CFAP20DC: variants seen among roughly 807,000 people sequenced by gnomAD.
The protein encoded by CFAP20DC is protein CFAP20DC.
A neutral mutation model predicts 101.7 loss-of-function variants in CFAP20DC; 84 were observed. The ratio of observed to expected loss-of-function variants is 0.83; its 90% CI spans 0.69 to 0.99. The LOEUF is 0.99. Ranked by LOEUF, CFAP20DC falls within the 50% of genes least tolerant of loss-of-function variation. The pLI is 0.00. For missense variants in CFAP20DC, 1,007 were observed against 970.3 expected (o/e 1.04, Z -0.50); for synonymous variants, 359 against 351.2 (o/e 1.02, Z -0.25).
At chr3:58,974,898 C>T (rs373249743) in intron 4 of CFAP20DC, among the ~76,000 whole-genome samples, 123 of 152,256 alleles carry the variant, frequency 8.1e-4, no homozygotes, top group Middle Eastern at 3.4e-3. Context: ...CAGCCCACCA[C>T]CACTGGACAC....
chr3:58,903,219 C>A lies in CFAP20DC; in HGVS notation c.550+10489G>T, dbSNP rs553736157. ...TGTGCTTTTGGTATCATATCTAATA[C>A]TATTGACAATGCAAGGTCATGAAGA... On this transcript the variant is annotated intron_variant, in intron 6 of 16. Transcript: ENST00000482387. Among the ~76,000 whole-genome samples, 3 of 152,246 alleles carry A rather than the reference C, an allele frequency of 2.0e-5. No homozygotes were observed. The South Asian group carries it at 6.2e-4, about 32-fold the overall frequency.
At chr3:58,961,645 G>A (rs2091145214) in intron 4 of CFAP20DC, among the ~76,000 whole-genome samples, 2 of 151,750 alleles carry the variant, frequency 1.3e-5, no homozygotes, top group African/African-American at 4.8e-5. Context: ...AAAGTAACCT[G>A]GGCTAGAATT....
In CFAP20DC at chr3:58,936,474, C is replaced by T. The variant is rs529285523; in HGVS notation, c.393+1174G>A. On this transcript the variant is annotated intron_variant, in intron 5 of 16. Coordinates refer to ENST00000482387, the MANE Select transcript of CFAP20DC (RefSeq NM_001394063.1). ...ATGCTGCTATAAAGACACATGCACA[C>T]GTATGTTTATTGCGGCACTATTCAC... 1.9e-3 allele frequency among the ~76,000 whole-genome samples: 286 copies of T among 152,232 alleles called. 1 individual carries two copies. The highest frequency in any genetic ancestry group is 5.9e-3 in the African/African-American group (247 of 41,530).
chr3:58,873,702 G>A (rs1396338453), intron 7 of CFAP20DC, among the ~76,000 whole-genome samples: 1 of 151,964 alleles, frequency 6.6e-6, no homozygotes, highest in Admixed American at 6.6e-5. Flanking sequence ...AGGTGCTCAA[G>A]TAGAAGTCTG....
At chr3:58,982,521 C>A (rs1409136017) in intron 4 of CFAP20DC, among the ~76,000 whole-genome samples, 1 of 151,834 alleles carries the variant, frequency 6.6e-6, no homozygotes, top group Non-Finnish European at 1.5e-5. Flanking sequence ...GAATACTATG[C>A]AGCCATAAAA....
intron 4 of CFAP20DC, among the ~76,000 whole-genome samples, chr3:58,955,590 G>T (rs1003262804): frequency 3.3e-5 from 5 of 152,050 alleles, no homozygotes; most frequent in Admixed American, 3.3e-4. Context: ...AGCCACCATG[G>T]ACTAAAGTGC....
chr3:58,817,208 C>T (rs1575743346), intron 14 of CFAP20DC, among the ~76,000 whole-genome samples: 1 of 152,066 alleles, frequency 6.6e-6, no homozygotes, highest in African/African-American at 2.4e-5. Context: ...AACAGAAAAA[C>T]TGGAAACTCT....
chr3:58,904,063 T>C (rs1332147383), intron 6 of CFAP20DC, among the ~76,000 whole-genome samples: 3 of 152,188 alleles, frequency 2.0e-5, no homozygotes, highest in African/African-American at 7.2e-5. Context: ...TTTGGAGAAA[T>C]TGCATTGAAT....
At chr3:58,760,127 G>T (rs1267449171) in intron 15 of CFAP20DC, among the ~76,000 whole-genome samples, 1 of 152,218 alleles carries the variant, frequency 6.6e-6, no homozygotes, top group African/African-American at 2.4e-5. Flanking sequence ...ACCTTGGGCA[G>T]TATGGCCATT....
intron 6 of CFAP20DC, among the ~76,000 whole-genome samples, chr3:58,896,346 G>A (rs535023782): frequency 1.2e-4 from 18 of 151,988 alleles, no homozygotes; most frequent in South Asian, 2.1e-4. Flanking sequence ...TCCTGGACTC[G>A]TTGATTTTTT....
chr3:58,751,883 G>A (rs1291214561), intron 16 of CFAP20DC, among the ~76,000 whole-genome samples: 1 of 146,442 alleles, frequency 6.8e-6, no homozygotes. Context: ...TCCTCCTGGT[G>A]GTGGTGTGAG....
intron 4 of CFAP20DC, among the ~76,000 whole-genome samples, chr3:58,942,308 G>A (rs537361686): frequency 2.4e-4 from 36 of 152,174 alleles, no homozygotes; most frequent in South Asian, 1.2e-3. Flanking sequence ...GAACAGTTTC[G>A]GTCTGCAGTT....
chr3:58,845,822 A>T (rs907613357), intron 13 of CFAP20DC, among the ~76,000 whole-genome samples: 1 of 151,008 alleles, frequency 6.6e-6, no homozygotes, highest in Non-Finnish European at 1.5e-5. Flanking sequence ...ACCATGATCA[A>T]GTGGGCTTCA....
intron 3 of CFAP20DC, among the ~76,000 whole-genome samples, chr3:59,044,805 G>T (rs1176065953): frequency 6.6e-6 from 1 of 151,968 alleles, no homozygotes; most frequent in Admixed American, 6.6e-5. Context: ...TTAGAACAAA[G>T]TCATATTCCT....
intron 11 of CFAP20DC, among the ~76,000 whole-genome samples, chr3:58,866,026 A>T (rs1216373618): frequency 6.6e-6 from 1 of 152,212 alleles, no homozygotes; most frequent in Admixed American, 6.5e-5. Context: ...TCACCTAAAC[A>T]TCTAATTAGT....
At chr3:59,008,523 G>A (rs1162898137) in intron 4 of CFAP20DC, among the ~76,000 whole-genome samples, 1 of 152,156 alleles carries the variant, frequency 6.6e-6, no homozygotes, top group Admixed American at 6.5e-5. Context: ...GGAATACTAT[G>A]CAGCCATAAA....
intron 6 of CFAP20DC, among the ~76,000 whole-genome samples, chr3:58,888,585 G>C (rs2081869305): frequency 6.6e-6 from 1 of 152,056 alleles, no homozygotes; most frequent in Non-Finnish European, 1.5e-5. Flanking sequence ...ACAAGCCCTA[G>C]TGTGTGTTAT....
intron 14 of CFAP20DC, among the ~76,000 whole-genome samples, chr3:58,830,565 A>G (rs73837972): frequency 0.099 from 15,060 of 152,160 alleles, 1,254 homozygotes; most frequent in East Asian, 0.35. Flanking sequence ...TTAAAATATG[A>G]AAAGCAAGTC....
intron 6 of CFAP20DC, chr3:58,887,335 T>C (rs1157133412): frequency 6.6e-6 from 1 of 152,190 alleles, no homozygotes; most frequent in Admixed American, 6.5e-5. Flanking sequence ...GAAGATAATT[T>C]CCATGTCAAT....
Sources: allele counts gnomAD v4.1 joint callset (sites outside exome capture counted in the v4.1 genomes callset), GRCh38; gene constraint gnomAD v4.1.1; transcripts MANE v1.5; gene names NCBI Gene and HGNC (gene_info 2026-07-23, HGNC 2026-07-21).